RFC3: variants seen among roughly 807,000 people sequenced by gnomAD.
RFC3 encodes replication factor C subunit 3, also known as A1 38 kDa subunit.
A neutral mutation model predicts 45.1 loss-of-function variants in RFC3; 41 were observed. The observed-to-expected ratio is 0.91, with a 90% confidence interval of 0.71 to 1.18. The LOEUF is 1.18. RFC3 is among the 50% of genes most tolerant of loss of function. The probability of loss-of-function intolerance (pLI) is 0.00; values close to 1 mark genes in which losing one functional copy is unlikely to be tolerated. For synonymous variants in RFC3, 149 were observed against 144.0 expected, an observed-to-expected ratio of 1.03 and a Z score of -0.25; for missense variants, 423 against 428.1, an observed-to-expected ratio of 0.99 and a Z score of 0.10.
intron 2 of RFC3, among the ~76,000 whole-genome samples, chr13:33,823,599 C>A (rs1390881659): frequency 6.6e-6 from 1 of 151,886 alleles, no homozygotes; most frequent in Non-Finnish European, 1.5e-5. Flanking sequence ...TTTGTGTTAA[C>A]ATGGGAAAGA....
In RFC3 at chr13:33,822,351, T is replaced by C. The variant is rs147564107; in HGVS notation, c.225+1082T>C. ...CCCCAGGTGACACTATAAATTTCTA[T>C]GAAATTCTAATTAAAATTCAAGTGG... On this transcript the variant is annotated intron_variant, in intron 2 of 8. Transcript: ENST00000380071. Among the ~76,000 whole-genome samples the C allele has an allele frequency of 1.6e-4, 24 of 152,310 alleles. No individual in the cohort carries two copies. In the East Asian group the frequency reaches 3.5e-3, roughly 22 times the overall value.
At chr13:33,928,714 A>G (rs947066673) in intron 8 of RFC3, among the ~76,000 whole-genome samples, 7 of 152,138 alleles carry the variant, frequency 4.6e-5, no homozygotes, top group African/African-American at 1.7e-4. Context: ...TACAAGTCCA[A>G]TAGCAGCTTG....
chr13:33,850,677 A>G (rs2082270943), intron 8 of RFC3: 1 of 152,296 alleles, frequency 6.6e-6, no homozygotes, highest in South Asian at 2.1e-4. Flanking sequence ...ATATCTAAAC[A>G]TAAGTATTGT....
At position 33,843,099 on chromosome 13, in the gene RFC3, AC is replaced by A. The variant is rs540813535; in HGVS notation, c.879+7884del. The stretch of plus-strand genomic sequence containing the variant: ...AAAGTAAAACAAAAAAACAAAAAAA[AC>A]CTCAACTCTTGGCAGCAATTTTCTT... On this transcript the variant is annotated intron_variant, in intron 8 of 8. Coordinates refer to the RFC3 transcript ENST00000434425. Among the ~76,000 whole-genome samples the A allele has an allele frequency of 2.8e-4, 42 of 152,126 alleles. 1 individual carries two copies. The highest frequency in any genetic ancestry group is 4.9e-4 in the Non-Finnish European group (33 of 68,020).
intron 8 of RFC3, among the ~76,000 whole-genome samples, chr13:33,937,482 T>C (rs769780955): frequency 6.6e-6 from 1 of 152,164 alleles, no homozygotes; most frequent in African/African-American, 2.4e-5. Context: ...AATGAATTAC[T>C]GAGGCCTAGA....
chr13:33,887,142 A>G (rs1338524814), intron 8 of RFC3, among the ~76,000 whole-genome samples: 16 of 145,704 alleles, frequency 1.1e-4, no homozygotes, highest in Non-Finnish European at 2.3e-4. Context: ...TCCTTTGGGT[A>G]TATACCCAGT....
chr13:33,842,011 G>A (rs574555332), downstream of RFC3, among the ~76,000 whole-genome samples: 12 of 152,222 alleles, frequency 7.9e-5, no homozygotes, highest in East Asian at 1.3e-3. Context: ...GGCCAGGTGC[G>A]GTGACCATGC....
At chr13:33,920,010 C>T (rs1001717207) in intron 8 of RFC3, among the ~76,000 whole-genome samples, 1 of 152,108 alleles carries the variant, frequency 6.6e-6, no homozygotes, top group South Asian at 2.1e-4. Context: ...AAAAGATGCC[C>T]TAGAAATTTT....
intron 8 of RFC3, among the ~76,000 whole-genome samples, chr13:33,921,878 A>G (rs7322867): frequency 0.19 from 29,632 of 152,144 alleles, 4,128 homozygotes; most frequent in African/African-American, 0.37. Context: ...TAGTAGGGAC[A>G]TATAGAATTA....
the RFC3 span, among the ~76,000 whole-genome samples, chr13:33,973,739 C>T: frequency 1.3e-5 from 2 of 151,602 alleles, no homozygotes; most frequent in South Asian, 4.2e-4. Context: ...CAACCTCTGC[C>T]TCCTTAGTTC....
At chr13:33,900,387 C>T (rs2082632577) in intron 8 of RFC3, among the ~76,000 whole-genome samples, 1 of 151,756 alleles carries the variant, frequency 6.6e-6, no homozygotes, top group Non-Finnish European at 1.5e-5. Flanking sequence ...CATTTATAGC[C>T]AACTAGTCTT....
rs571338546 is a variant in RFC3, at chr13:33,915,094, G to A, written c.880-50993G>A. On this transcript the variant is annotated intron_variant, in intron 8 of 8. Coordinates refer to the RFC3 transcript ENST00000434425. ...CTTTTAGAATTCAAGTAATCTTAGAGCAATAAATAGTTGTTTCTCCATGTC... is the reference window on the plus strand; with the variant it reads ...CTTTTAGAATTCAAGTAATCTTAGAACAATAAATAGTTGTTTCTCCATGTC... 4.6e-5 allele frequency among the ~76,000 whole-genome samples: 7 copies of A among 152,246 alleles called. No homozygotes were observed. The South Asian group carries it at 1.5e-3, about 32-fold the overall frequency.
At chr13:33,823,803 G>C (rs2082024801) in intron 2 of RFC3, 114 bp from the exon 3 acceptor site, 1 of 536,522 alleles carries the variant, frequency 1.9e-6, no homozygotes, top group African/African-American at 2.0e-5. Context: ...AAACATGAAT[G>C]GTGGTTATCT....
the RFC3 span, among the ~76,000 whole-genome samples, chr13:33,973,121 A>C: frequency 6.6e-6 from 1 of 152,202 alleles, no homozygotes; most frequent in Non-Finnish European, 1.5e-5. Context: ...CAAAGACAAC[A>C]CATATCAAAT....
chr13:33,938,800 T>C (rs2082904989), intron 8 of RFC3, among the ~76,000 whole-genome samples: 1 of 152,082 alleles, frequency 6.6e-6, no homozygotes, highest in Admixed American at 6.6e-5. Context: ...GCTGGGTCAT[T>C]GGGGATGCAT....
intron 8 of RFC3, among the ~76,000 whole-genome samples, chr13:33,962,745 A>G (rs980338846): frequency 6.6e-6 from 1 of 152,116 alleles, no homozygotes; most frequent in African/African-American, 2.4e-5. Context: ...AAATAGTGTT[A>G]TGTATGTATG....
At chr13:33,893,625 A>G (rs2137641520) in intron 8 of RFC3, among the ~76,000 whole-genome samples, 1 of 152,266 alleles carries the variant, frequency 6.6e-6, no homozygotes, top group Middle Eastern at 3.4e-3. Context: ...AATCTCCAAG[A>G]TAACACAGAA....
At chr13:33,843,030 T>G (rs2082210957) in intron 8 of RFC3, among the ~76,000 whole-genome samples, 1 of 152,172 alleles carries the variant, frequency 6.6e-6, no homozygotes, top group African/African-American at 2.4e-5. Context: ...ACATTAAATA[T>G]TATTTCCAAA....
At chr13:33,929,447 T>C (rs960912346) in intron 8 of RFC3, among the ~76,000 whole-genome samples, 1 of 152,102 alleles carries the variant, frequency 6.6e-6, no homozygotes, top group Non-Finnish European at 1.5e-5. Context: ...ATGGAATAAT[T>C]GTGTTGATAA....
Sources: allele counts gnomAD v4.1 joint callset (sites outside exome capture counted in the v4.1 genomes callset), GRCh38; gene constraint gnomAD v4.1.1; transcripts MANE v1.5; gene names NCBI Gene and HGNC (gene_info 2026-07-23, HGNC 2026-07-21).